The following TGFBR2 variants were observed in gnomAD, a reference collection of about 807,000 sequenced individuals.
The protein encoded by TGFBR2 is transforming growth factor beta receptor 2, also known as TGF-beta receptor type-2.
In TGFBR2, 18 loss-of-function variants were observed where a neutral mutation model predicts 49.0. That is an observed-to-expected ratio of 0.37 (90% CI 0.25 to 0.54). The LOEUF (loss-of-function observed/expected upper bound fraction) is 0.54, where lower values mean the gene tolerates loss of function less well. Ranked by LOEUF, TGFBR2 falls within the 20% of genes least tolerant of loss-of-function variation. TGFBR2 has a pLI of 0.85. For missense variants in TGFBR2, 525 were observed against 722.6 expected, an observed-to-expected ratio of 0.73 and a Z score of 3.13; for synonymous variants, 282 against 275.9, an observed-to-expected ratio of 1.02 and a Z score of -0.22.
chr3:30,682,664 C>G (rs1181923050), intron 5 of TGFBR2, among the ~76,000 whole-genome samples: 1 of 152,216 alleles, frequency 6.6e-6, no homozygotes, highest in Non-Finnish European at 1.5e-5. Flanking sequence ...TCACCTCCAC[C>G]ACCAGTCACA....
Position 30,693,410 on chromosome 3 carries a change from G to A in TGFBR2, c.*1811G>A, listed in dbSNP as rs1699745640. ...TGTTAATCAACAAAGAAGTGTTAAT[G>A]CTGCAAGTAATCTCTTTTTTAAAAC... On this transcript the variant is annotated 3_prime_UTR_variant, in exon 7 of 7. Transcript: ENST00000295754. 1 of 233,596 alleles carries A rather than the reference G, an allele frequency of 4.3e-6. No individual in the cohort carries two copies. The highest frequency in any genetic ancestry group is 8.5e-6 in the Non-Finnish European group (1 of 117,984). The allele number at this position is 233,596 out of a possible 1,614,324, so 14.5% of individuals were successfully genotyped here.
At chr3:30,628,853 A>T (rs868429814) in intron 1 of TGFBR2, among the ~76,000 whole-genome samples, 8 of 152,156 alleles carry the variant, frequency 5.3e-5, no homozygotes, top group Middle Eastern at 3.4e-3. Flanking sequence ...CGTGTTTTCC[A>T]TGGAACACTA....
intron 2 of TGFBR2, among the ~76,000 whole-genome samples, chr3:30,647,647 A>G (rs995138175): frequency 1.3e-5 from 2 of 151,654 alleles, no homozygotes; most frequent in African/African-American, 4.8e-5. Context: ...GCCTCCAAGG[A>G]TAGAAATATT....
At chr3:30,656,766 G>A (rs979525292) in intron 3 of TGFBR2, among the ~76,000 whole-genome samples, 1 of 152,198 alleles carries the variant, frequency 6.6e-6, no homozygotes, top group Non-Finnish European at 1.5e-5. Flanking sequence ...TATAGGAAAG[G>A]GATAGCATTG....
At chr3:30,622,999 T>C (rs1210161465) in intron 1 of TGFBR2, among the ~76,000 whole-genome samples, 1 of 151,616 alleles carries the variant, frequency 6.6e-6, no homozygotes, top group Non-Finnish European at 1.5e-5. Context: ...TTGAGACATA[T>C]GGGTGAAAGA....
intron 3 of TGFBR2, among the ~76,000 whole-genome samples, chr3:30,652,178 T>C (rs2125412579): frequency 6.6e-6 from 1 of 152,046 alleles, no homozygotes; most frequent in East Asian, 1.9e-4. Context: ...TTCCTTCCTA[T>C]GTTCTCATCC....
intron 3 of TGFBR2, among the ~76,000 whole-genome samples, chr3:30,666,814 T>C (rs1699253637): frequency 6.6e-6 from 1 of 151,902 alleles, no homozygotes; most frequent in African/African-American, 2.4e-5. Context: ...TAATTTTTTT[T>C]TTTTTTAAGT....
intron 1 of TGFBR2, among the ~76,000 whole-genome samples, chr3:30,609,256 C>T (rs78792658): frequency 0.012 from 1,766 of 152,210 alleles, 23 homozygotes; most frequent in South Asian, 0.05. Flanking sequence ...ATATTGAAGA[C>T]GAGAAACCTA....
chr3:30,628,686 G>A lies in TGFBR2; in HGVS notation c.95-16061G>A, dbSNP rs1575136510. Among the ~76,000 whole-genome samples the A allele has an allele frequency of 5.9e-5, 9 of 152,114 alleles. 2 individuals carry two copies. ...ATAAGAATTACTTGATACCTTAGGA[G>A]TCAGACGAGCCTTACATTTATCTTG... On this transcript the variant is annotated intron_variant, in intron 1 of 6. Transcript: ENST00000295754.
At chr3:30,616,581 A>G (rs1698138033) in intron 1 of TGFBR2, among the ~76,000 whole-genome samples, 1 of 152,256 alleles carries the variant, frequency 6.6e-6, no homozygotes, top group Non-Finnish European at 1.5e-5. Context: ...GAATTGGACT[A>G]AATAAGATTT....
chr3:30,606,362 G>A (rs576513067), upstream of TGFBR2: 7 of 223,952 alleles, frequency 3.1e-5, no homozygotes, highest in South Asian at 1.1e-3. Context: ...AGTCATTCTT[G>A]AGTAAATACT....
chr3:30,644,135 G>A (rs1218939901), intron 1 of TGFBR2, among the ~76,000 whole-genome samples: 2 of 152,186 alleles, frequency 1.3e-5, no homozygotes, highest in African/African-American at 4.8e-5. Context: ...GAGATCAGTA[G>A]AACTAGTCCC....
At position 30,623,086 on chromosome 3, in the gene TGFBR2, A is replaced by G. The variant is rs553936117; in HGVS notation, c.94+16109A>G. 9.6e-4 allele frequency: 662 copies of G among 688,992 alleles called. 1 individual carries two copies. The highest frequency in any genetic ancestry group is 1.5e-3 in the Non-Finnish European group (582 of 382,314). 42.7% of individuals were successfully genotyped at this position (688,992 alleles called of 1,614,324 possible). ...CCATGTCTAGTTATAATAATCTTTTAATAATCTCACAGTAATAGAAAGCTT... is the reference window on the plus strand; with the variant it reads ...CCATGTCTAGTTATAATAATCTTTTGATAATCTCACAGTAATAGAAAGCTT... On this transcript the variant is annotated intron_variant, in intron 1 of 6. Coordinates refer to ENST00000295754, the MANE Select transcript of TGFBR2 (RefSeq NM_003242.6).
At chr3:30,669,081 GC>G (rs1699292221) in intron 3 of TGFBR2, among the ~76,000 whole-genome samples, 1 of 125,110 alleles carries the variant, frequency 8.0e-6, no homozygotes, top group African/African-American at 3.1e-5. Flanking sequence ...TTCAAGACCA[GC>G]CTGGCCAACA....
At chr3:30,639,457 G>A (rs762523617) in intron 1 of TGFBR2, among the ~76,000 whole-genome samples, 4 of 152,210 alleles carry the variant, frequency 2.6e-5, no homozygotes, top group Non-Finnish European at 4.4e-5. Context: ...CAAAACTGCA[G>A]CATTGATTTC....
chr3:30,643,572 C>T (rs1360781127), intron 1 of TGFBR2, among the ~76,000 whole-genome samples: 1 of 152,318 alleles, frequency 6.6e-6, no homozygotes, highest in East Asian at 1.9e-4. Flanking sequence ...CCTCTCTAAT[C>T]TGAGTGAAGA....
At chr3:30,678,901 T>C (rs1482381979) in intron 5 of TGFBR2, among the ~76,000 whole-genome samples, 3 of 152,216 alleles carry the variant, frequency 2.0e-5, no homozygotes, top group Non-Finnish European at 4.4e-5. Context: ...AAAAATGTTC[T>C]AAGCAGCAGA....
At chr3:30,691,352 G>A (rs1384766459) in intron 6 of TGFBR2, 68 bp from the exon 7 acceptor site, 5 of 1,567,566 alleles carry the variant, frequency 3.2e-6, no homozygotes, top group Non-Finnish European at 4.4e-6. Flanking sequence ...AACAAGGTCA[G>A]CAGGCCACCT....
rs1699722937 is a variant in TGFBR2 at position 30,692,204 on chromosome 3, A to C, written c.*605A>C. On this transcript the variant is annotated 3_prime_UTR_variant, in exon 7 of 7. Coordinates refer to ENST00000295754, the MANE Select transcript of TGFBR2 (RefSeq NM_003242.6). Reference sequence around the variant, plus strand: ...GCAAAATAATCATTCCCTGCCTAGCACTTCTCTTCTGGCCATGGAACTAAG... The same window carrying C: ...GCAAAATAATCATTCCCTGCCTAGCCCTTCTCTTCTGGCCATGGAACTAAG... 4.4e-6 allele frequency: 1 copy of C among 227,600 alleles called. No individual in the cohort carries two copies. The highest frequency in any genetic ancestry group is 8.8e-6 in the Non-Finnish European group (1 of 114,282). 14.1% of individuals were successfully genotyped at this position (227,600 alleles called of 1,614,324 possible).
Sources: allele counts gnomAD v4.1 joint callset (sites outside exome capture counted in the v4.1 genomes callset), GRCh38; gene constraint gnomAD v4.1.1; transcripts MANE v1.5; gene names NCBI Gene and HGNC (gene_info 2026-07-23, HGNC 2026-07-21).